The following DNAH3 variants were observed in gnomAD, a reference collection of about 807,000 sequenced individuals.
The protein encoded by DNAH3 is dynein axonemal heavy chain 3.
Under a neutral mutation model 432.5 loss-of-function variants are expected in DNAH3, and 332 were observed. That is an observed-to-expected ratio of 0.77 (90% CI 0.70 to 0.84). The LOEUF is 0.84. Among genes scored for constraint, DNAH3 ranks in the 40% least tolerant of loss-of-function variants. DNAH3 has a pLI of 0.00. For missense variants in DNAH3, 4,861 were observed against 5,114.0 expected (o/e 0.95, Z 1.51); for synonymous variants, 1,956 against 1,900.2 (o/e 1.03, Z -0.76).
intron 41 of DNAH3, among the ~76,000 whole-genome samples, chr16:21,017,583 C>A (rs980462722): frequency 6.6e-6 from 1 of 152,210 alleles, no homozygotes; most frequent in Admixed American, 6.5e-5. Context: ...TCATATCTCA[C>A]TAAAATGTAT....
At chr16:20,988,812 G>C (rs1231429276) in intron 44 of DNAH3, among the ~76,000 whole-genome samples, 1 of 152,074 alleles carries the variant, frequency 6.6e-6, no homozygotes, top group Non-Finnish European at 1.5e-5. Context: ...TGTTCCTTCT[G>C]ATGTTCGAAT....
intron 41 of DNAH3, among the ~76,000 whole-genome samples, chr16:21,008,634 G>A (rs996195604): frequency 2.6e-5 from 4 of 152,168 alleles, no homozygotes; most frequent in Admixed American, 2.0e-4. Flanking sequence ...ATGATGGAGA[G>A]TTTCTCTTAG....
chr16:20,935,468 C>T (rs749007605), exon 61 of DNAH3: 13 of 1,611,294 alleles, frequency 8.1e-6, no homozygotes, highest in Non-Finnish European at 1.1e-5. Flanking sequence ...CCACAGGGGG[C>T]CCCTTGTCAA....
intron 22 of DNAH3, 36 bp downstream of exon 22, chr16:21,070,674 A>G: frequency 7.1e-7 from 1 of 1,406,644 alleles, no homozygotes; most frequent in Non-Finnish European, 1.0e-6. Context: ...AGAGCTAACG[A>G]AACACCTCAA....
At position 21,115,863 on chromosome 16, in the gene DNAH3, A is replaced by G. The variant is rs113827622; in HGVS notation, c.1814+1340T>C. Among the ~76,000 whole-genome samples, 317 of 152,296 alleles carry G rather than the reference A, an allele frequency of 2.1e-3. 1 individual carries two copies. The highest frequency in any genetic ancestry group is 6.8e-3 in the African/African-American group (283 of 41,574). ...TCTCCCAAATCAAATTCACGAGGGCAGGGCTTCCAAATATGAGGCCATGAT... is the reference window on the plus strand; with the variant it reads ...TCTCCCAAATCAAATTCACGAGGGCGGGGCTTCCAAATATGAGGCCATGAT... On this transcript the variant is annotated intron_variant, in intron 12 of 61. Coordinates refer to ENST00000261383, the Ensembl canonical transcript of DNAH3.
At chr16:21,005,726 T>C (rs2087268115) in intron 41 of DNAH3, among the ~76,000 whole-genome samples, 1 of 151,854 alleles carries the variant, frequency 6.6e-6, no homozygotes. Flanking sequence ...CTCAACTCTC[T>C]CAGCTCTTAC....
intron 1 of DNAH3, among the ~76,000 whole-genome samples, chr16:21,151,288 G>A (rs1020854674): frequency 6.6e-6 from 1 of 150,874 alleles, no homozygotes; most frequent in African/African-American, 2.4e-5. Flanking sequence ...GCATATAGTA[G>A]AAGGATAACT....
At position 20,985,058 on chromosome 16, in the gene DNAH3, T is replaced by C. The variant is rs761333134; in HGVS notation, c.7665+19A>G. On this transcript the variant is annotated intron_variant, in intron 48 of 61. Transcript: ENST00000261383. The stretch of plus-strand genomic sequence containing the variant: ...GTTTTCTTCTTCTTACCGAGGACAA[T>C]GTGAAGGTTCTTTCTCACCCTCTCA... 80 of 1,602,340 alleles carry C rather than the reference T, an allele frequency of 5.0e-5. 1 individual carries two copies. The Middle Eastern group carries it at 2.5e-3, about 51-fold the overall frequency.
At chr16:20,997,594 T>A in intron 43 of DNAH3, 132 bp from the exon 44 acceptor site, 1 of 1,026,400 alleles carries the variant, frequency 9.7e-7, no homozygotes, top group Non-Finnish European at 1.4e-6. Flanking sequence ...AGTTAGGGCT[T>A]AGTCAATGGA....
intron 31 of DNAH3, among the ~76,000 whole-genome samples, 154 bp from the exon 32 acceptor site, chr16:21,042,357 T>A (rs1423295948): frequency 6.6e-6 from 1 of 152,090 alleles, no homozygotes; most frequent in Non-Finnish European, 1.5e-5. Context: ...GGGGTTTTGG[T>A]AAGAAAAAAG....
chr16:21,074,432 G>C (rs2090903461), intron 21 of DNAH3, among the ~76,000 whole-genome samples: 1 of 152,132 alleles, frequency 6.6e-6, no homozygotes, highest in Non-Finnish European at 1.5e-5. Context: ...TCAATGGTTG[G>C]GCCTGGCGTG....
chr16:21,050,161 G>A (rs2089894646), intron 29 of DNAH3, 143 bp from the exon 30 acceptor site: 1 of 635,146 alleles, frequency 1.6e-6, no homozygotes, highest in South Asian at 2.1e-5. Flanking sequence ...AATGCTAAAA[G>A]CCGCGATGAC....
At chr16:20,964,377 C>G in exon 53 of DNAH3, 1 of 1,614,172 alleles carries the variant, frequency 6.2e-7, no homozygotes, top group African/African-American at 1.3e-5. Context: ...TGATGTATAA[C>G]TTAAAATCCC....
rs779465905 is a variant in DNAH3, at chr16:20,944,666, G to A, written c.11344-3C>T. 1.2e-6 allele frequency: 2 copies of A among 1,613,812 alleles called. No homozygotes were observed. On this transcript the variant is annotated splice_region_variant and splice_polypyrimidine_tract_variant and intron_variant, in intron 57 of 61. Transcript: ENST00000261383. ...TTCCTGAGATAGTCGATATAGGACT[G>A]GAAGGGAAATCTTCAGTTGAAATCA...
chr16:21,027,869 C>A (rs2152720395), intron 37 of DNAH3, among the ~76,000 whole-genome samples: 1 of 152,366 alleles, frequency 6.6e-6, no homozygotes, highest in Non-Finnish European at 1.5e-5. Flanking sequence ...AACTTAACTG[C>A]AAAGCCACAT....
At chr16:21,057,212 C>T (rs1412177695) in intron 27 of DNAH3, among the ~76,000 whole-genome samples, 1 of 152,096 alleles carries the variant, frequency 6.6e-6, no homozygotes, top group African/African-American at 2.4e-5. Flanking sequence ...AGTTCGAGAC[C>T]ACCCTGGCCA....
chr16:21,056,504 C>G (rs80299404), intron 27 of DNAH3, among the ~76,000 whole-genome samples: 3,291 of 151,182 alleles, frequency 0.022, 53 homozygotes, highest in Middle Eastern at 0.051. Context: ...TGTAAAAGAG[C>G]CTTTTTCTCT....
chr16:21,049,844 A>G (rs2089877398), intron 30 of DNAH3, 66 bp downstream of exon 30: 1 of 1,428,816 alleles, frequency 7.0e-7, no homozygotes, highest in African/African-American at 1.4e-5. Context: ...GTTGATGCCT[A>G]CTTCCCACAG....
At chr16:21,040,117 A>G (rs1218133893) in intron 32 of DNAH3, among the ~76,000 whole-genome samples, 174 bp from the exon 33 acceptor site, 1 of 152,106 alleles carries the variant, frequency 6.6e-6, no homozygotes, top group Non-Finnish European at 1.5e-5. Flanking sequence ...CGGTGGGCCA[A>G]TGCATGGCTC....
Sources: gnomAD v4.1 joint callset for allele counts (sites outside exome capture counted in the v4.1 genomes callset) on GRCh38, gnomAD v4.1.1 for gene constraint, MANE v1.5 for transcripts, NCBI Gene and HGNC (gene_info 2026-07-23, HGNC 2026-07-21) for gene names.